Variants in CUL4A observed in about 807,000 individuals in gnomAD.
The protein encoded by CUL4A is cullin-4A.
In CUL4A, 16 loss-of-function variants were observed where a neutral mutation model predicts 95.5. The observed-to-expected ratio is 0.17, with a 90% CI of 0.11 to 0.25. The LOEUF is 0.25. CUL4A is among the 10% of genes least tolerant of loss of function. The pLI, the probability that CUL4A is intolerant of heterozygous loss-of-function variation, is 1.00. For missense variants in CUL4A, 610 were observed against 937.0 expected (o/e 0.65, Z 4.56); for synonymous variants, 380 against 353.1 (o/e 1.08, Z -0.85).
At chr13:113,209,493 G>A (rs1481531231), upstream of CUL4A, 2 of 430,994 alleles carry the variant, frequency 4.6e-6, no homozygotes, top group Admixed American at 6.5e-5. Context: ...GGCGGCGGTT[G>A]GGCTCGGGCA....
At chr13:113,237,208 T>G in intron 9 of CUL4A, among the ~76,000 whole-genome samples, 1 of 152,160 alleles carries the variant, frequency 6.6e-6, no homozygotes, top group South Asian at 2.1e-4. Context: ...AGCAGACTCA[T>G]TTCCTGTGTC....
At chr13:113,245,084 T>G (rs1291413401) in intron 13 of CUL4A, 25 bp downstream of exon 13, 57 of 1,605,210 alleles carry the variant, frequency 3.6e-5, no homozygotes, top group Non-Finnish European at 4.8e-5. Context: ...CCTGGGCTCC[T>G]CCCCTGTAAC....
At chr13:113,263,331 A>T (rs1453338556) in intron 19 of CUL4A, among the ~76,000 whole-genome samples, 156 bp from the exon 20 acceptor site, 1 of 152,208 alleles carries the variant, frequency 6.6e-6, no homozygotes, top group African/African-American at 2.4e-5. Flanking sequence ...CATTTCATAA[A>T]TATGTGTATA....
intron 15 of CUL4A, among the ~76,000 whole-genome samples, chr13:113,247,469 G>C (rs1242319925): frequency 6.6e-6 from 1 of 152,186 alleles, no homozygotes; most frequent in East Asian, 1.9e-4. Flanking sequence ...GTAGTTCAGA[G>C]AACTTCTTAA....
At chr13:113,258,246 C>CT (rs759341378) in intron 18 of CUL4A, among the ~76,000 whole-genome samples, 1 of 152,110 alleles carries the variant, frequency 6.6e-6, no homozygotes, top group African/African-American at 2.4e-5. Flanking sequence ...CTACCTTGAC[C>CT]CCCCAAAGTG....
At chr13:113,210,962 TTACC>T (rs2139065919) in intron 2 of CUL4A, among the ~76,000 whole-genome samples, 1 of 152,374 alleles carries the variant, frequency 6.6e-6, no homozygotes, top group African/African-American at 2.4e-5. Context: ...TGATGTTTTC[TTACC>T]AGCTTTGAGA....
intron 18 of CUL4A, among the ~76,000 whole-genome samples, chr13:113,260,174 A>T: frequency 8.5e-6 from 1 of 117,972 alleles, no homozygotes; most frequent in Admixed American, 1.1e-4. Context: ...ACTGCACTCC[A>T]GCCTGGGTGA....
chr13:113,226,409 G>C (rs1255385250), intron 3 of CUL4A, among the ~76,000 whole-genome samples: 1 of 152,200 alleles, frequency 6.6e-6, no homozygotes, highest in Non-Finnish European at 1.5e-5. Context: ...TTCTTAATCT[G>C]TACAAAGGGA....
chr13:113,208,576 C>G (rs939691795), upstream of CUL4A: 2 of 1,605,918 alleles, frequency 1.2e-6, no homozygotes, highest in African/African-American at 1.3e-5. Flanking sequence ...CACGCCGCCG[C>G]GCGCTCCCCG....
chr13:113,221,092 C>T (rs961261281), intron 3 of CUL4A, among the ~76,000 whole-genome samples: 3 of 143,644 alleles, frequency 2.1e-5, no homozygotes, highest in African/African-American at 2.4e-5. Context: ...GGGGAGGATG[C>T]GCCCTCCTGT....
intron 2 of CUL4A, among the ~76,000 whole-genome samples, chr13:113,217,744 C>T (rs2040748228): frequency 6.6e-6 from 1 of 152,162 alleles, no homozygotes; most frequent in South Asian, 2.1e-4. Context: ...TATATCCCCA[C>T]ATTTTTCGAA....
intron 18 of CUL4A, among the ~76,000 whole-genome samples, chr13:113,256,836 A>T (rs182503470): frequency 1.2e-4 from 16 of 138,724 alleles, no homozygotes; most frequent in African/African-American, 4.3e-4. Flanking sequence ...TTCAAGTCAT[A>T]TGCATTCATT....
chr13:113,247,069 G>A (rs963662425), intron 15 of CUL4A, among the ~76,000 whole-genome samples: 1 of 152,304 alleles, frequency 6.6e-6, no homozygotes, highest in African/African-American at 2.4e-5. Flanking sequence ...TGAAGGCAAA[G>A]GGGGAGTAGG....
At chr13:113,210,296 T>A (rs915078341) in intron 2 of CUL4A, among the ~76,000 whole-genome samples, 30 of 152,234 alleles carry the variant, frequency 2.0e-4, no homozygotes, top group African/African-American at 6.3e-4. Flanking sequence ...TTAAGCTGCT[T>A]AGAACCATAT....
chr13:113,244,460 G>A lies in CUL4A; in HGVS notation c.1279G>A (p.Glu427Lys), dbSNP rs372924202. The A allele has an allele frequency of 4.3e-6, 7 of 1,613,692 alleles. No homozygotes were observed. The highest frequency in any genetic ancestry group is 5.1e-6 in the Non-Finnish European group (6 of 1,179,902). ...AGCAGGCAACAAAGAAGCCACAGAC[G>A]AGGAGCTGGAGCGGACGTTGGACAA... ...LRAGNKEATDEELERTLDKIM... is the reference protein window; with the variant it reads ...LRAGNKEATDKELERTLDKIM... Residue 427 changes from glutamate to lysine, a missense_variant, in exon 12 of 20, where the codon GAG becomes AAG. By Grantham distance (56) the Glu-to-Lys change is moderately conservative. Transcript: ENST00000375440.
chr13:113,219,059 T>C lies in CUL4A; in HGVS notation c.368+11T>C. 6.4e-7 allele frequency: 1 copy of C among 1,566,398 alleles called. No individual in the cohort carries two copies. Among genetic ancestry groups the C allele is most frequent in the African/African-American group, 1.4e-5 (1 of 73,054 alleles). On this transcript the variant is annotated intron_variant, in intron 3 of 19. Transcript: ENST00000375440. Reference sequence around the variant, plus strand: ...CCTTCCGTTTAGAGAATATCCTTTTTTTGGTTCATAAAGTTTCTATTCATT... The same window carrying C: ...CCTTCCGTTTAGAGAATATCCTTTTCTTGGTTCATAAAGTTTCTATTCATT...
chr13:113,230,432 C>T (rs2041269808), intron 5 of CUL4A, among the ~76,000 whole-genome samples: 1 of 152,164 alleles, frequency 6.6e-6, no homozygotes, highest in Non-Finnish European at 1.5e-5. Context: ...CTTGTTGAAG[C>T]TCCCATTAAT....
chr13:113,211,407 G>T (rs191249781), intron 2 of CUL4A, among the ~76,000 whole-genome samples: 1 of 152,176 alleles, frequency 6.6e-6, no homozygotes, highest in Non-Finnish European at 1.5e-5. Context: ...TCTTTGAGAC[G>T]GAGTTTCACT....
In CUL4A at chr13:113,233,619, G is replaced by A. The variant is rs544362084; in HGVS notation, c.676-278G>A. On this transcript the variant is annotated intron_variant, in intron 6 of 19. Transcript: ENST00000375440. ...CATGGAAAATATAAACAGAGACAAA[G>A]CCAGATGACACGCTGGGGGAAAATA... Among the ~76,000 whole-genome samples, 40 of 152,276 alleles carry A rather than the reference G, an allele frequency of 2.6e-4. 2 individuals are homozygous for A. The highest frequency in any genetic ancestry group is 6.8e-3 in the Middle Eastern group (2 of 294).
Sources: gnomAD v4.1 joint callset for allele counts (sites outside exome capture counted in the v4.1 genomes callset) on GRCh38, gnomAD v4.1.1 for gene constraint, MANE v1.5 for transcripts, NCBI Gene and HGNC (gene_info 2026-07-23, HGNC 2026-07-21) for gene names.